The following CALHM4 variants were observed in gnomAD, a reference collection of about 807,000 sequenced individuals.
CALHM4 encodes calcium homeostasis modulator protein 4.
CALHM4 carries 16 observed loss-of-function variants against 13.3 expected under a neutral mutation model. That is an observed-to-expected ratio of 1.20 (90% CI 0.81 to 1.82). The LOEUF (loss-of-function observed/expected upper bound fraction) is 1.82. Ranked by LOEUF, CALHM4 falls within the 40% of genes most tolerant of loss-of-function variation. The pLI, the probability that CALHM4 is intolerant of heterozygous loss-of-function variation, is 0.00. For synonymous variants in CALHM4, 127 were observed against 137.1 expected (o/e 0.93, Z 0.52); for missense variants, 344 against 374.9 (o/e 0.92, Z 0.68).
intron 1 of CALHM4, among the ~76,000 whole-genome samples, chr6:116,532,379 G>A (rs1772793219): frequency 6.6e-6 from 1 of 152,174 alleles, no homozygotes; most frequent in Admixed American, 6.5e-5. Context: ...GGGAATTACA[G>A]GCGTGAGCCA....
In CALHM4 at chr6:116,558,158, G is replaced by A; in HGVS notation, c.892G>A (p.Val298Met). ...QGHYSFLGNR[V>M]DEDNEEDRSR... Reference sequence around the variant, plus strand: ...TCACTATAGCTTCCTTGGAAATAGGGTGGATGAGGATAATGAGGAAGACAG... The same window carrying A: ...TCACTATAGCTTCCTTGGAAATAGGATGGATGAGGATAATGAGGAAGACAG... The change falls in exon 2 of 2, where the codon GTG becomes ATG. Residue 298 changes from valine to methionine, a missense_variant. Coordinates refer to ENST00000368596, the MANE Select transcript of CALHM4 (RefSeq NM_001366078.2). The A allele has an allele frequency of 1.2e-6, 2 of 1,614,080 alleles. No homozygotes were observed. Among genetic ancestry groups the A allele is most frequent in the Non-Finnish European group, 1.7e-6 (2 of 1,180,006 alleles).
At chr6:116,538,266 A>G (rs1440492071) in intron 1 of CALHM4, among the ~76,000 whole-genome samples, 1 of 152,188 alleles carries the variant, frequency 6.6e-6, no homozygotes, top group African/African-American at 2.4e-5. Flanking sequence ...TCACTGCACT[A>G]TTCTAACTGG....
rs188263021 is a variant in CALHM4 at position 116,531,565 on chromosome 6, G to A, written c.-109+2375G>A. On this transcript the variant is annotated intron_variant, in intron 1 of 2. Transcript: ENST00000368597. ...GGTTCTTTCATGGGGTCTGATTATCGTGTCCCAGAATATCTCTACAATAAA... is the reference window on the plus strand; with the variant it reads ...GGTTCTTTCATGGGGTCTGATTATCATGTCCCAGAATATCTCTACAATAAA... Among the ~76,000 whole-genome samples, 3 of 152,144 alleles carry A rather than the reference G, an allele frequency of 2.0e-5. No individual in the cohort carries two copies. In the East Asian group the frequency reaches 5.8e-4, roughly 29 times the overall value.
chr6:116,532,965 T>A (rs775267319), intron 1 of CALHM4, among the ~76,000 whole-genome samples: 54 of 152,226 alleles, frequency 3.5e-4, no homozygotes, highest in Non-Finnish European at 7.1e-4. Context: ...AAAGATCTAA[T>A]GAACATTTCA....
intron 1 of CALHM4, chr6:116,543,358 G>T (rs1234849318): frequency 3.2e-6 from 5 of 1,549,898 alleles, no homozygotes; most frequent in Non-Finnish European, 4.4e-6. Flanking sequence ...TTACACAGCT[G>T]GGCAACCAGA....
intron 2 of CALHM4, among the ~76,000 whole-genome samples, chr6:116,544,847 C>T (rs1773677130): frequency 6.6e-6 from 1 of 151,936 alleles, no homozygotes; most frequent in Non-Finnish European, 1.5e-5. Flanking sequence ...ACATAATTAA[C>T]AGAATTTTAA....
intron 1 of CALHM4, chr6:116,540,591 T>C: frequency 1.1e-6 from 1 of 882,132 alleles, no homozygotes; most frequent in Non-Finnish European, 1.8e-6. Flanking sequence ...ATATGACGAG[T>C]CAAATGGCTT....
intron 1 of CALHM4, among the ~76,000 whole-genome samples, chr6:116,533,971 C>G (rs181619738): frequency 6.6e-6 from 1 of 152,282 alleles, no homozygotes; most frequent in African/African-American, 2.4e-5. Context: ...AGCAACACAG[C>G]AGCCTTCTCC....
chr6:116,540,064 T>C (rs1236874111), intron 1 of CALHM4, among the ~76,000 whole-genome samples: 1 of 152,198 alleles, frequency 6.6e-6, no homozygotes, highest in Non-Finnish European at 1.5e-5. Context: ...ATGCATGTTT[T>C]AAGGTTGCCC....
intron 1 of CALHM4, among the ~76,000 whole-genome samples, chr6:116,537,402 C>T (rs868378074): frequency 6.6e-6 from 1 of 152,104 alleles, no homozygotes; most frequent in Non-Finnish European, 1.5e-5. Flanking sequence ...GGTCAAATTT[C>T]GTTAGAATCT....
chr6:116,547,883 G>C (rs1773874934), intron 2 of CALHM4, among the ~76,000 whole-genome samples: 1 of 152,220 alleles, frequency 6.6e-6, no homozygotes, highest in African/African-American at 2.4e-5. Context: ...CTGCACTGCA[G>C]TCAACCAACC....
chr6:116,540,850 G>A (rs777598121), intron 1 of CALHM4, among the ~76,000 whole-genome samples: 23 of 152,170 alleles, frequency 1.5e-4, no homozygotes, highest in Non-Finnish European at 3.1e-4. Flanking sequence ...TCTGCTACAT[G>A]TGTGATACCC....
At position 116,559,684 on chromosome 6, in the gene CALHM4, T is replaced by C. The variant is rs1774500068; in HGVS notation, c.*1473T>C. ...CCCTGGATTTTTTTCATCTATACAATAAAAGGGATGATAATATTTTACCTC... is the reference window on the plus strand; with the variant it reads ...CCCTGGATTTTTTTCATCTATACAACAAAAGGGATGATAATATTTTACCTC... On this transcript the variant is annotated 3_prime_UTR_variant, in exon 2 of 2. Transcript: ENST00000368596. Among the ~76,000 whole-genome samples the C allele has an allele frequency of 6.6e-6, 1 of 152,122 alleles. No individual in the cohort carries two copies. Among genetic ancestry groups the C allele is most frequent in the Non-Finnish European group, 1.5e-5 (1 of 68,002 alleles).
intron 1 of CALHM4, among the ~76,000 whole-genome samples, chr6:116,541,275 T>A (rs1389810624): frequency 6.6e-6 from 1 of 152,218 alleles, no homozygotes; most frequent in African/African-American, 2.4e-5. Flanking sequence ...CTCTATCTTA[T>A]AAGAACTTGC....
At chr6:116,541,279 A>C (rs758232499) in intron 1 of CALHM4, among the ~76,000 whole-genome samples, 24 of 152,224 alleles carry the variant, frequency 1.6e-4, no homozygotes, top group Non-Finnish European at 2.5e-4. Flanking sequence ...ATCTTATAAG[A>C]ACTTGCAATC....
intron 1 of CALHM4, among the ~76,000 whole-genome samples, chr6:116,540,653 C>A (rs1346814226): frequency 6.6e-6 from 1 of 152,084 alleles, no homozygotes; most frequent in Non-Finnish European, 1.5e-5. Flanking sequence ...GAGAGCAACA[C>A]ACTGAGGAAA....
At chr6:116,549,280 C>T (rs1251008287), upstream of CALHM4, among the ~76,000 whole-genome samples, 4 of 152,014 alleles carry the variant, frequency 2.6e-5, no homozygotes, top group Non-Finnish European at 4.4e-5. Flanking sequence ...AGTGAGACTC[C>T]GTCTCAAAAT....
chr6:116,534,936 T>C (rs146643395), intron 1 of CALHM4, among the ~76,000 whole-genome samples: 1 of 152,220 alleles, frequency 6.6e-6, no homozygotes, highest in African/African-American at 2.4e-5. Context: ...GACAACAAAG[T>C]AATGTGATAT....
Position 116,558,255 on chromosome 6 carries a change from C to A in CALHM4, c.*44C>A. On this transcript the variant is annotated 3_prime_UTR_variant, in exon 2 of 2. Coordinates refer to ENST00000368596, the MANE Select transcript of CALHM4 (RefSeq NM_001366078.2). ...GTCAGGTTGCTTAGCAGATACTTGG[C>A]TTTTATGGCTTTTATGATCAGGCCA... The A allele has an allele frequency of 6.5e-7, 1 of 1,536,778 alleles. No homozygotes were observed. Among genetic ancestry groups the A allele is most frequent in the Non-Finnish European group, 8.7e-7 (1 of 1,145,160 alleles).
Sources: gnomAD v4.1 joint callset for allele counts (sites outside exome capture counted in the v4.1 genomes callset) on GRCh38, gnomAD v4.1.1 for gene constraint, MANE v1.5 for transcripts, NCBI Gene and HGNC (gene_info 2026-07-23, HGNC 2026-07-21) for gene names.